Variants in KYNU observed in about 807,000 individuals in gnomAD.
KYNU encodes the protein L-kynurenine hydrolase.
Under a neutral mutation model 59.2 loss-of-function variants are expected in KYNU, and 54 were observed. That is an observed-to-expected ratio of 0.91 (90% CI 0.73 to 1.14). The LOEUF (loss-of-function observed/expected upper bound fraction) is 1.14. KYNU is among the 50% of genes most tolerant of loss of function. KYNU has a pLI of 0.00. For synonymous variants in KYNU, 177 were observed against 192.0 expected (o/e 0.92, Z 0.65); for missense variants, 567 against 554.4 (o/e 1.02, Z -0.23).
chr2:142,957,173 C>A (rs1166972533), intron 6 of KYNU, among the ~76,000 whole-genome samples: 1 of 152,036 alleles, frequency 6.6e-6, no homozygotes, highest in Non-Finnish European at 1.5e-5. Context: ...ATCCTAATAT[C>A]TACAAAAGAT....
At chr2:142,912,703 C>CTTTTTTTTTTT (rs1163302368) in intron 2 of KYNU, among the ~76,000 whole-genome samples, 1 of 71,836 alleles carries the variant, frequency 1.4e-5, no homozygotes, top group Non-Finnish European at 2.4e-5. Flanking sequence ...TTCTTTCTTC[C>CTTTTTTTTTTT]TTTTTTTTTT....
intron 10 of KYNU, chr2:142,989,463 A>G (rs1685325807): frequency 1.0e-6 from 1 of 984,876 alleles, no homozygotes; most frequent in African/African-American, 1.7e-5. Context: ...CACTTTGTGA[A>G]GTAGTCTTTG....
chr2:142,947,090 C>T (rs1213238555), intron 4 of KYNU: 2 of 1,550,862 alleles, frequency 1.3e-6, no homozygotes, highest in Non-Finnish European at 1.7e-6. Flanking sequence ...ACAATATGTC[C>T]TTTTGTTGCT....
At chr2:142,985,445 C>T (rs1685170864) in intron 9 of KYNU, among the ~76,000 whole-genome samples, 1 of 151,670 alleles carries the variant, frequency 6.6e-6, no homozygotes, top group Non-Finnish European at 1.5e-5. Context: ...TAGAAAAATC[C>T]CTACACTTAA....
rs773771293 is a variant in KYNU, at chr2:142,960,614, C to T, written c.583-10C>T. 8.7e-6 allele frequency: 14 copies of T among 1,611,542 alleles called. No individual in the cohort carries two copies. Among genetic ancestry groups the T allele is most frequent in the African/African-American group, 1.3e-5 (1 of 74,736 alleles). ...TCGATATGACCTAACTTGTGCCTAA[C>T]TTGATTTAGGGGGAAGAAACCTTAA... On this transcript the variant is annotated splice_polypyrimidine_tract_variant and intron_variant, in intron 7 of 13. Coordinates refer to ENST00000264170, the MANE Select transcript of KYNU (RefSeq NM_003937.3).
intron 3 of KYNU, among the ~76,000 whole-genome samples, chr2:142,925,890 G>C (rs1683033201): frequency 6.6e-6 from 1 of 152,140 alleles, no homozygotes. Context: ...TTTCTTTCAA[G>C]ATGACAAACT....
chr2:142,911,335 T>A (rs1285970279), intron 2 of KYNU, among the ~76,000 whole-genome samples: 1 of 152,274 alleles, frequency 6.6e-6, no homozygotes, highest in East Asian at 1.9e-4. Context: ...GCAAATGGGA[T>A]TGTATTATTG....
intron 1 of KYNU, among the ~76,000 whole-genome samples, chr2:142,883,710 C>A (rs544384601): frequency 5.3e-5 from 8 of 152,276 alleles, no homozygotes; most frequent in Admixed American, 4.6e-4. Context: ...GAAGGATGAA[C>A]ATGACCCTTT....
chr2:143,015,978 C>T (rs988115883), intron 10 of KYNU, among the ~76,000 whole-genome samples: 1 of 152,198 alleles, frequency 6.6e-6, no homozygotes, highest in Non-Finnish European at 1.5e-5. Context: ...TTCCTCACAC[C>T]TGAAACATAT....
In KYNU at chr2:142,885,431, T is replaced by C. The variant is rs775287103; in HGVS notation, c.64T>C (p.Cys22Arg). Residue 22 changes from cysteine (C) to arginine (R), a missense_variant, in exon 2 of 14, where the codon TGC becomes CGC. Transcript: ENST00000264170. ...TVQRIAAELK[C>R]HPTDERVALH... ...GCAGCGCATTGCGGCTGAACTCAAA[T>C]GCCACCCAACGGATGAGAGGGTGGC... The C allele has an allele frequency of 6.2e-6, 10 of 1,614,090 alleles. No individual in the cohort carries two copies. The highest frequency in any genetic ancestry group is 8.5e-7 in the Non-Finnish European group (1 of 1,179,984).
At chr2:143,012,191 G>T (rs1686125083) in intron 10 of KYNU, among the ~76,000 whole-genome samples, 2 of 152,092 alleles carry the variant, frequency 1.3e-5, no homozygotes, top group Non-Finnish European at 2.9e-5. Flanking sequence ...TATCTCAGAA[G>T]GGGCTCTGGA....
intron 8 of KYNU, among the ~76,000 whole-genome samples, chr2:142,974,284 T>C (rs541555409): frequency 2.6e-4 from 40 of 152,328 alleles, no homozygotes; most frequent in African/African-American, 9.1e-4. Flanking sequence ...GTAACCCACA[T>C]GGTGCAAGAG....
At chr2:142,940,621 T>G (rs1312463204) in intron 4 of KYNU, among the ~76,000 whole-genome samples, 1 of 152,244 alleles carries the variant, frequency 6.6e-6, no homozygotes, top group African/African-American at 2.4e-5. Flanking sequence ...ATATTCAGTC[T>G]TGTTTAGAAA....
intron 2 of KYNU, among the ~76,000 whole-genome samples, chr2:142,891,467 G>C (rs949501390): frequency 6.6e-6 from 1 of 152,174 alleles, no homozygotes; most frequent in African/African-American, 2.4e-5. Context: ...ATCCAGGAGA[G>C]AGATCAGTAA....
intron 10 of KYNU, among the ~76,000 whole-genome samples, chr2:143,007,970 C>T (rs373999581): frequency 1.7e-5 from 2 of 120,698 alleles, no homozygotes; most frequent in Non-Finnish European, 3.4e-5. Flanking sequence ...AATGTAAAGA[C>T]CATCAAGACT....
intron 10 of KYNU, among the ~76,000 whole-genome samples, chr2:142,992,871 G>A (rs1422478122): frequency 6.6e-6 from 1 of 152,026 alleles, no homozygotes; most frequent in African/African-American, 2.4e-5. Flanking sequence ...AATTCATTTG[G>A]AGATATATCT....
chr2:143,040,839 G>A (rs547571148), intron 13 of KYNU, among the ~76,000 whole-genome samples, 181 bp downstream of exon 13: 3 of 152,104 alleles, frequency 2.0e-5, no homozygotes, highest in South Asian at 4.1e-4. Context: ...GAGATCTGTC[G>A]TTTCTGATAA....
intron 4 of KYNU, chr2:142,947,149 C>T (rs1683816379): frequency 6.4e-7 from 1 of 1,551,112 alleles, no homozygotes; most frequent in Non-Finnish European, 8.7e-7. Context: ...CTGGAAATGA[C>T]CTCAGTATGT....
chr2:142,959,937 G>GT, intron 7 of KYNU, among the ~76,000 whole-genome samples: 1 of 152,046 alleles, frequency 6.6e-6, no homozygotes, highest in Non-Finnish European at 1.5e-5. Flanking sequence ...ATTTAGTTTA[G>GT]TTTTTTTCTG....
Sources: allele counts gnomAD v4.1 joint callset (sites outside exome capture counted in the v4.1 genomes callset), GRCh38; gene constraint gnomAD v4.1.1; transcripts MANE v1.5; gene names NCBI Gene and HGNC (gene_info 2026-07-23, HGNC 2026-07-21).